SYT9: variants seen among roughly 807,000 people sequenced by gnomAD.
SYT9 encodes synaptotagmin 9.
SYT9 carries 22 observed loss-of-function variants against 48.4 expected under a neutral mutation model. That is an observed-to-expected ratio of 0.45 (90% CI 0.32 to 0.65). SYT9 has a LOEUF of 0.65. Ranked by LOEUF, SYT9 falls within the 30% of genes least tolerant of loss-of-function variation. The probability of loss-of-function intolerance (pLI) is 0.03; values close to 1 mark genes in which losing one functional copy is unlikely to be tolerated. For missense variants in SYT9, 577 were observed against 622.0 expected, an observed-to-expected ratio of 0.93 and a Z score of 0.77; for synonymous variants, 265 against 245.0, an observed-to-expected ratio of 1.08 and a Z score of -0.76.
At chr11:7,268,696 C>T (rs1349664416) in intron 1 of SYT9, among the ~76,000 whole-genome samples, 1 of 151,984 alleles carries the variant, frequency 6.6e-6, no homozygotes, top group Non-Finnish European at 1.5e-5. Flanking sequence ...ACATTTTTCT[C>T]TATCTCCAGT....
intron 6 of SYT9, among the ~76,000 whole-genome samples, chr11:7,430,747 T>A (rs1448812237): frequency 1.3e-5 from 2 of 152,130 alleles, no homozygotes; most frequent in African/African-American, 4.8e-5. Context: ...CTGCCTTGCT[T>A]CTGCTCTGCC....
chr11:7,272,380 C>G (rs1392291662), intron 1 of SYT9, among the ~76,000 whole-genome samples: 1 of 152,064 alleles, frequency 6.6e-6, no homozygotes, highest in Admixed American at 6.5e-5. Context: ...CTTTTCTTTT[C>G]CTCCACCCAC....
chr11:7,271,474 A>G (rs1183212559), intron 1 of SYT9, among the ~76,000 whole-genome samples: 2 of 152,174 alleles, frequency 1.3e-5, no homozygotes, highest in African/African-American at 2.4e-5. Context: ...CCAGTCATGC[A>G]TTTCCCTGGA....
intron 3 of SYT9, among the ~76,000 whole-genome samples, chr11:7,317,092 G>T (rs899611394): frequency 6.6e-6 from 1 of 152,112 alleles, no homozygotes; most frequent in Non-Finnish European, 1.5e-5. Context: ...GATAAATAGA[G>T]GTTATGTTTG....
At chr11:7,460,951 T>G (rs1848224455) in intron 6 of SYT9, among the ~76,000 whole-genome samples, 3 of 152,104 alleles carry the variant, frequency 2.0e-5, no homozygotes, top group Admixed American at 1.3e-4. Context: ...ATTGCAGAGG[T>G]AGAATAACCG....
intron 1 of SYT9, among the ~76,000 whole-genome samples, chr11:7,270,336 T>C (rs998712965): frequency 6.6e-6 from 1 of 152,212 alleles, no homozygotes; most frequent in African/African-American, 2.4e-5. Flanking sequence ...TATAGGCTGT[T>C]TGATTTAGGA....
At chr11:7,339,992 C>A (rs189167245) in intron 3 of SYT9, among the ~76,000 whole-genome samples, 1 of 152,324 alleles carries the variant, frequency 6.6e-6, no homozygotes, top group South Asian at 2.1e-4. Context: ...TCAGGAATGA[C>A]AATGATTAAT....
chr11:7,444,855 C>T (rs750860116), intron 6 of SYT9, among the ~76,000 whole-genome samples: 1 of 152,194 alleles, frequency 6.6e-6, no homozygotes, highest in Non-Finnish European at 1.5e-5. Flanking sequence ...TGGCTGGAGA[C>T]AGACAAGAGG....
At chr11:7,440,360 G>A (rs1267334381) in intron 6 of SYT9, 1 of 152,230 alleles carries the variant, frequency 6.6e-6, no homozygotes, top group African/African-American at 2.4e-5. Flanking sequence ...AAGCACAAAT[G>A]AGGAGGACCC....
At chr11:7,406,559 T>TATATATATATAC (rs922664189) in intron 3 of SYT9, among the ~76,000 whole-genome samples, 142 of 146,700 alleles carry the variant, frequency 9.7e-4, no homozygotes, top group African/African-American at 3.5e-3. Flanking sequence ...TATATATATA[T>TATATATATATAC]ATATATATAG....
intron 3 of SYT9, among the ~76,000 whole-genome samples, chr11:7,315,568 G>T (rs1053733255): frequency 1.3e-5 from 2 of 152,186 alleles, no homozygotes; most frequent in African/African-American, 4.8e-5. Context: ...TAAAATAGCT[G>T]GAGAGGTTAT....
intron 6 of SYT9, among the ~76,000 whole-genome samples, chr11:7,436,792 C>T (rs773532491): frequency 7.9e-5 from 12 of 152,200 alleles, no homozygotes; most frequent in Non-Finnish European, 1.5e-4. Flanking sequence ...GCTCAACTTC[C>T]TGGTGGACGA....
chr11:7,323,766 G>A (rs1849378486), intron 3 of SYT9, among the ~76,000 whole-genome samples: 2 of 151,754 alleles, frequency 1.3e-5, no homozygotes, highest in African/African-American at 4.8e-5. Context: ...ACAATGTGTT[G>A]CTTTTTTATA....
In SYT9 at chr11:7,280,897, G is replaced by A. The variant is rs1266242377; in HGVS notation, c.146-22142G>A. Among the ~76,000 whole-genome samples the A allele has an allele frequency of 2.0e-5, 3 of 152,170 alleles. No individual in the cohort carries two copies. The East Asian group carries it at 5.8e-4, about 29-fold the overall frequency. On this transcript the variant is annotated intron_variant, in intron 1 of 6. Transcript: ENST00000318881. ...ATGATAACTTTTGAGAATCATCTTT[G>A]AATATCACCTTTGACTTTTGAATAT...
chr11:7,391,735 T>TAAAAAAGAAAAAA (rs1846615227), intron 3 of SYT9, among the ~76,000 whole-genome samples: 1 of 35,940 alleles, frequency 2.8e-5, no homozygotes, highest in Non-Finnish European at 5.0e-5. Context: ...ACCCCATCTC[T>TAAAAAAGAAAAAA]AAAAAAAAAA....
At chr11:7,259,143 G>A (rs1266334096) in intron 1 of SYT9, among the ~76,000 whole-genome samples, 2 of 152,208 alleles carry the variant, frequency 1.3e-5, no homozygotes, top group East Asian at 1.9e-4. Flanking sequence ...TTGTGATGCT[G>A]ACAACCCTAT....
intron 1 of SYT9, among the ~76,000 whole-genome samples, chr11:7,264,732 C>A (rs770402523): frequency 6.6e-6 from 1 of 151,952 alleles, no homozygotes; most frequent in Non-Finnish European, 1.5e-5. Context: ...GAGAGGGGGA[C>A]AAATGATTGA....
Position 7,418,152 on chromosome 11 carries a change from CA to C in SYT9, c.1337+25del, listed in dbSNP as rs771380013. 3 of 1,609,262 alleles carry C rather than the reference CA, an allele frequency of 1.9e-6. No individual in the cohort carries two copies. In the African/African-American group the frequency reaches 4.0e-5, roughly 22 times the overall value. On this transcript the variant is annotated intron_variant, in intron 5 of 6. Transcript: ENST00000318881. The stretch of plus-strand genomic sequence containing the variant: ...CGGTGAGATACCTGGAACTCTTTTC[CA>C]GTGCAAGTTCACTGTGCCCAGGACT...
At chr11:7,348,445 C>T (rs533540116) in intron 3 of SYT9, among the ~76,000 whole-genome samples, 1 of 152,292 alleles carries the variant, frequency 6.6e-6, no homozygotes, top group East Asian at 1.9e-4. Context: ...TCTTAACACA[C>T]TGGGTTGGAC....
Sources: allele counts gnomAD v4.1 joint callset (sites outside exome capture counted in the v4.1 genomes callset), GRCh38; gene constraint gnomAD v4.1.1; transcripts MANE v1.5; gene names NCBI Gene and HGNC (gene_info 2026-07-23, HGNC 2026-07-21).